TBCK: variants seen among roughly 807,000 people sequenced by gnomAD.
The protein encoded by TBCK is TBC1 domain containing kinase, also known as TBC domain-containing protein kinase-like protein.
A neutral mutation model predicts 113.4 loss-of-function variants in TBCK; 99 were observed. The ratio of observed to expected loss-of-function variants is 0.87; its 90% CI spans 0.74 to 1.03. TBCK has a LOEUF of 1.03. Among genes scored for constraint, TBCK ranks in the 50% least tolerant of loss-of-function variants. TBCK has a pLI of 0.00. For missense variants in TBCK, 1,045 were observed against 1,061.3 expected (o/e 0.98, Z 0.21); for synonymous variants, 369 against 370.8 (o/e 1.00, Z 0.05).
chr4:106,146,241 A>C (rs752644661), intron 23 of TBCK, among the ~76,000 whole-genome samples: 1 of 152,210 alleles, frequency 6.6e-6, no homozygotes, highest in African/African-American at 2.4e-5. Context: ...ATACATATAC[A>C]TATACATGGA....
At chr4:106,264,910 T>C (rs558656170) in intron 3 of TBCK, among the ~76,000 whole-genome samples, 2 of 152,086 alleles carry the variant, frequency 1.3e-5, no homozygotes, top group African/African-American at 4.8e-5. Flanking sequence ...ATTACTCCAT[T>C]GTCTTATAGC....
intron 3 of TBCK, among the ~76,000 whole-genome samples, chr4:106,281,734 T>G (rs1031071620): frequency 6.6e-6 from 1 of 152,174 alleles, no homozygotes; most frequent in African/African-American, 2.4e-5. Flanking sequence ...TTGCGTATGT[T>G]GAACCATCCT....
chr4:106,206,718 A>G (rs1474599927), intron 20 of TBCK, among the ~76,000 whole-genome samples: 12 of 152,240 alleles, frequency 7.9e-5, no homozygotes, highest in Admixed American at 7.8e-4. Context: ...AAGATAAAGA[A>G]CAAATGAAGG....
intron 24 of TBCK, among the ~76,000 whole-genome samples, chr4:106,105,124 A>G (rs1741991203): frequency 6.6e-6 from 1 of 152,204 alleles, no homozygotes; most frequent in African/African-American, 2.4e-5. Flanking sequence ...ATGAAGAAGC[A>G]AAGACCTTAA....
chr4:106,274,280 G>C (rs1763793627), intron 3 of TBCK, among the ~76,000 whole-genome samples: 1 of 152,154 alleles, frequency 6.6e-6, no homozygotes, highest in African/African-American at 2.4e-5. Flanking sequence ...GCTATCTTTG[G>C]AAATGGCTTG....
intron 5 of TBCK, among the ~76,000 whole-genome samples, chr4:106,258,454 G>A (rs1416360342): frequency 1.3e-5 from 2 of 151,846 alleles, no homozygotes; most frequent in Non-Finnish European, 2.9e-5. Context: ...TATTTTTCCT[G>A]GCTAATGTTT....
intron 8 of TBCK, among the ~76,000 whole-genome samples, chr4:106,248,662 G>A (rs1024350841): frequency 6.6e-6 from 1 of 152,160 alleles, no homozygotes; most frequent in Non-Finnish European, 1.5e-5. Flanking sequence ...TCTTCCCCTG[G>A]TGAATGGCAT....
intron 2 of TBCK, among the ~76,000 whole-genome samples, chr4:106,298,342 G>A (rs930208014): frequency 9.2e-5 from 14 of 152,020 alleles, no homozygotes; most frequent in African/African-American, 3.1e-4. Flanking sequence ...GGCCGGGCAC[G>A]GTAGCTCACG....
intron 25 of TBCK, among the ~76,000 whole-genome samples, chr4:106,048,828 C>A (rs1320743614): frequency 6.6e-6 from 1 of 152,062 alleles, no homozygotes; most frequent in Admixed American, 6.6e-5. Flanking sequence ...GTAAGGAAGT[C>A]CCTAACAACC....
At chr4:106,294,990 T>C (rs926901664) in intron 3 of TBCK, 104 bp downstream of exon 3, 18 of 851,714 alleles carry the variant, frequency 2.1e-5, no homozygotes, top group African/African-American at 1.7e-4. Flanking sequence ...ACCTTTATCA[T>C]TAAACAAGTA....
Position 106,178,799 on chromosome 4 carries a change from AT to A in TBCK, c.2060-7530del, listed in dbSNP as rs200028002. Among the ~76,000 whole-genome samples, 561 of 147,714 alleles carry A rather than the reference AT, an allele frequency of 3.8e-3. 3 individuals carry two copies. The highest frequency in any genetic ancestry group is 5.6e-3 in the Admixed American group (82 of 14,728). ...AGTTTGAAAGTATCCTCTCCTCTTC[AT>A]TTTTTTTTTAAGAATTTGAGAGAAT... On this transcript the variant is annotated intron_variant, in intron 22 of 25. Coordinates refer to ENST00000394708, the MANE Select transcript of TBCK (RefSeq NM_001163435.3).
intron 20 of TBCK, among the ~76,000 whole-genome samples, chr4:106,209,319 C>A (rs906683329): frequency 6.6e-5 from 10 of 152,122 alleles, no homozygotes; most frequent in Admixed American, 2.0e-4. Context: ...AATGTACTCT[C>A]CACTCAGATT....
Position 106,249,800 on chromosome 4 carries a change from C to T in TBCK, c.658+618G>A, listed in dbSNP as rs139958441. 1.2e-4 allele frequency among the ~76,000 whole-genome samples: 18 copies of T among 152,160 alleles called. No individual in the cohort carries two copies. In the East Asian group the frequency reaches 3.1e-3, roughly 26 times the overall value. On this transcript the variant is annotated intron_variant, in intron 7 of 25. Transcript: ENST00000394708. ...CATTATTATTTAATGTTTACTAATA[C>T]TTTCCTGTACATATTCTTATTTGTA... is the stretch of plus-strand genomic sequence containing the variant.
At position 106,282,475 on chromosome 4, in the gene TBCK, T is replaced by C. The variant is rs149047285; in HGVS notation, c.266+12619A>G. On this transcript the variant is annotated intron_variant, in intron 3 of 25. Coordinates refer to ENST00000394708, the MANE Select transcript of TBCK (RefSeq NM_001163435.3). ...GATTGGTTTGCTCTTGCTTTTCTAGTTTTTGAATAAGCATCATTATATTCT... is the reference window on the plus strand; with the variant it reads ...GATTGGTTTGCTCTTGCTTTTCTAGCTTTTGAATAAGCATCATTATATTCT... Among the ~76,000 whole-genome samples, 28 of 152,234 alleles carry C rather than the reference T, an allele frequency of 1.8e-4. No homozygotes were observed. The East Asian group carries it at 2.7e-3, about 15-fold the overall frequency.
At chr4:106,109,425 G>C (rs543505592) in intron 24 of TBCK, among the ~76,000 whole-genome samples, 1 of 152,146 alleles carries the variant, frequency 6.6e-6, no homozygotes, top group African/African-American at 2.4e-5. Context: ...ACAGAAACAG[G>C]CACATAGACT....
chr4:106,286,319 AT>A (rs1385909245), intron 3 of TBCK, among the ~76,000 whole-genome samples: 3 of 152,164 alleles, frequency 2.0e-5, no homozygotes, highest in Non-Finnish European at 4.4e-5. Flanking sequence ...ATGTGCTTCC[AT>A]CTACACTATT....
At chr4:106,203,653 A>C (rs1755129124) in intron 20 of TBCK, among the ~76,000 whole-genome samples, 1 of 151,978 alleles carries the variant, frequency 6.6e-6, no homozygotes, top group African/African-American at 2.4e-5. Flanking sequence ...CTGAAAACTT[A>C]CAAGAAAATC....
intron 20 of TBCK, 101 bp from the exon 21 acceptor site, chr4:106,194,855 T>C: frequency 9.1e-7 from 1 of 1,094,456 alleles, no homozygotes; most frequent in Non-Finnish European, 1.3e-6. Flanking sequence ...AAGTTCTATG[T>C]TTTGGTCTAC....
chr4:106,094,473 C>T (rs1404804940), intron 25 of TBCK, among the ~76,000 whole-genome samples: 1 of 151,730 alleles, frequency 6.6e-6, no homozygotes, highest in Admixed American at 6.6e-5. Context: ...TAATAAAAGA[C>T]ATTTTAGGTT....
Sources: gnomAD v4.1 joint callset for allele counts (sites outside exome capture counted in the v4.1 genomes callset) on GRCh38, gnomAD v4.1.1 for gene constraint, MANE v1.5 for transcripts, NCBI Gene and HGNC (gene_info 2026-07-23, HGNC 2026-07-21) for gene names.